Variants in KCNV2 observed in about 807,000 individuals in gnomAD.
KCNV2 encodes potassium voltage-gated channel modifier subfamily V member 2, also known as potassium voltage-gated channel subfamily V member 2.
Under a neutral mutation model 37.0 loss-of-function variants are expected in KCNV2, and 65 were observed. The observed-to-expected ratio is 1.76, with a 90% CI of 1.44 to 2.16. The LOEUF (loss-of-function observed/expected upper bound fraction) is 2.16. KCNV2 is among the 30% of genes most tolerant of loss of function. The pLI is 0.00. For missense variants in KCNV2, 1,232 were observed against 766.7 expected, an observed-to-expected ratio of 1.61 and a Z score of -7.17; for synonymous variants, 518 against 328.6, an observed-to-expected ratio of 1.58 and a Z score of -6.23.
Position 2,717,766 on chromosome 9 carries a change from G to A in KCNV2, c.27G>A (p.Arg9=). 1 of 1,614,206 alleles carries A rather than the reference G, an allele frequency of 6.2e-7. No homozygotes were observed. Among genetic ancestry groups the A allele is most frequent in the Non-Finnish European group, 8.5e-7 (1 of 1,180,030 alleles). The change falls in exon 1 of 2, where the codon CGG becomes CGA. Residue 9 remains arginine, a synonymous_variant. Coordinates refer to ENST00000382082, the MANE Select transcript of KCNV2 (RefSeq NM_133497.4). ...TGCTCAAACAGAGTGAGAGGAGACG[G>A]TCCTGGAGCTACAGGCCCTGGAACA... is the stretch of plus-strand genomic sequence containing the variant. The part of the protein sequence containing the change: MLKQSERR[R]SWSYRPWNTT...
At chr9:2,725,768 G>A (rs1400708301) in intron 1 of KCNV2, among the ~76,000 whole-genome samples, 1 of 152,114 alleles carries the variant, frequency 6.6e-6, no homozygotes. Context: ...ATGGACTACT[G>A]GGTGCCAAGA....
intron 1 of KCNV2, among the ~76,000 whole-genome samples, 169 bp downstream of exon 1, chr9:2,719,264 GA>G (rs1169585418): frequency 6.6e-6 from 1 of 152,144 alleles, no homozygotes; most frequent in Non-Finnish European, 1.5e-5. Flanking sequence ...AAAAGTGGTG[GA>G]AAGAGAACTC....
In KCNV2 at chr9:2,718,671, G is replaced by C. The variant is rs1015880443; in HGVS notation, c.932G>C (p.Gly311Ala). 3 of 1,613,170 alleles carry C rather than the reference G, an allele frequency of 1.9e-6. No individual in the cohort carries two copies. The highest frequency in any genetic ancestry group is 1.6e-4 in the Middle Eastern group (1 of 6,082). ...GAGCACGTGGAGATGCTGTGCATGGGCTTCTTCACGCTCGAGTACCTGCTG... is the reference window on the plus strand; with the variant it reads ...GAGCACGTGGAGATGCTGTGCATGGCCTTCTTCACGCTCGAGTACCTGCTG... ...ILEHVEMLCMGFFTLEYLLRL... is the reference protein window; with the variant it reads ...ILEHVEMLCMAFFTLEYLLRL... The change falls in exon 1 of 2, where the codon GGC (glycine) becomes GCC (alanine). Residue 311 changes from glycine to alanine, a missense_variant. Gly to Ala is a moderately conservative substitution (Grantham distance 60, BLOSUM62 0). Coordinates refer to ENST00000382082, the MANE Select transcript of KCNV2 (RefSeq NM_133497.4).
intron 1 of KCNV2, among the ~76,000 whole-genome samples, chr9:2,722,114 T>C (rs1468872575): frequency 7.2e-6 from 1 of 139,772 alleles, no homozygotes; most frequent in African/African-American, 2.8e-5. Context: ...AAGTTATTTA[T>C]AAATAAATTA....
chr9:2,721,606 A>G (rs1204008220), intron 1 of KCNV2, among the ~76,000 whole-genome samples: 1 of 152,222 alleles, frequency 6.6e-6, no homozygotes, highest in Non-Finnish European at 1.5e-5. Flanking sequence ...TAAGTTTTTG[A>G]GCACCTCCAA....
At chr9:2,727,130 G>C (rs372953773) in intron 1 of KCNV2, among the ~76,000 whole-genome samples, 1 of 152,148 alleles carries the variant, frequency 6.6e-6, no homozygotes, top group African/African-American at 2.4e-5. Context: ...ATCCAGAGGT[G>C]TGAGTCATGG....
chr9:2,721,053 A>G (rs1819858253), intron 1 of KCNV2, among the ~76,000 whole-genome samples: 1 of 152,190 alleles, frequency 6.6e-6, no homozygotes, highest in Non-Finnish European at 1.5e-5. Flanking sequence ...AAATTTTACA[A>G]AAATTGAATC....
rs2130861256 is a variant in KCNV2, at chr9:2,718,537, C to T, written c.798C>T (p.Ser266=). ...SVAAKAIGVA[S]STFVLVSVVA... ...CCGCCAAGGCCATCGGGGTGGCCTC[C>T]AGCACCTTCGTGCTCGTCTCCGTGG... Residue 266 remains serine (S), a synonymous_variant, in exon 1 of 2, where the codon TCC becomes TCT. Transcript: ENST00000382082. 5.6e-6 allele frequency: 9 copies of T among 1,611,650 alleles called. No individual in the cohort carries two copies. Among genetic ancestry groups the T allele is most frequent in the Admixed American group, 5.0e-5 (3 of 59,862 alleles).
chr9:2,726,186 G>A (rs1470565635), intron 1 of KCNV2, among the ~76,000 whole-genome samples: 2 of 152,134 alleles, frequency 1.3e-5, no homozygotes, highest in African/African-American at 4.8e-5. Flanking sequence ...CTTGGCCTAT[G>A]GAATGTGGAA....
rs371912406 is a variant in KCNV2, at chr9:2,718,426, G to A, written c.687G>A (p.Ala229=). The change falls in exon 1 of 2, where the codon GCG becomes GCA. Residue 229 remains alanine (A), a synonymous_variant. Transcript: ENST00000382082. ...ELRAQAQVEE[A]EELFRDMRFY... ...GCGCGCAGGCGCAGGTCGAGGAGGC[G>A]GAGGAACTCTTCCGCGACATGCGCT... 1.4e-5 allele frequency: 23 copies of A among 1,605,542 alleles called. No homozygotes were observed. The highest frequency in any genetic ancestry group is 6.8e-5 in the Admixed American group (4 of 58,872).
chr9:2,729,561 T>A lies in KCNV2; in HGVS notation c.1472T>A (p.Ile491Asn), dbSNP rs765182129. Residue 491 changes from isoleucine (I) to asparagine (N), a missense_variant, in exon 2 of 2, where the codon ATC becomes AAC. Coordinates refer to ENST00000382082, the MANE Select transcript of KCNV2 (RefSeq NM_133497.4). ...ATTCTCAACGGGATGCCCATTTCCA[T>A]CCTCTACAACAAGTTTTCTGATTAC... ...GIILNGMPISILYNKFSDYYS... is the reference protein window; with the variant it reads ...GIILNGMPISNLYNKFSDYYS... 3 of 1,614,088 alleles carry A rather than the reference T, an allele frequency of 1.9e-6. No individual in the cohort carries two copies. Among genetic ancestry groups the A allele is most frequent in the Non-Finnish European group, 2.5e-6 (3 of 1,179,990 alleles).
intron 1 of KCNV2, among the ~76,000 whole-genome samples, chr9:2,722,521 A>AAAGTTATTTATAAATAAATTAG (rs1218654599): frequency 2.1e-4 from 24 of 116,188 alleles, no homozygotes; most frequent in African/African-American, 4.3e-4. Context: ...TTTATAAATA[A>AAAGTTATTTATAAATAAATTAG]AAGTTATTTA....
At position 2,729,989 on chromosome 9, in the gene KCNV2, T is replaced by A. The variant is rs57109373; in HGVS notation, c.*262T>A. 0.088 allele frequency: 38,567 copies of A among 437,688 alleles called. 2,039 individuals are homozygous for A. The highest frequency in any genetic ancestry group is 0.11 in the Middle Eastern group (179 of 1,566). The allele number at this position is 437,688 out of a possible 1,614,324, so 27.1% of individuals were successfully genotyped here. Reference sequence around the variant, plus strand: ...TGAGGGGAGCAACAGCTTAGATTTTTCTTGTAGCTTCTCGTGGCATCTAGC... The same window carrying A: ...TGAGGGGAGCAACAGCTTAGATTTTACTTGTAGCTTCTCGTGGCATCTAGC... On this transcript the variant is annotated 3_prime_UTR_variant, in exon 2 of 2. Transcript: ENST00000382082.
intron 1 of KCNV2, among the ~76,000 whole-genome samples, chr9:2,719,591 C>A (rs1032704127): frequency 1.3e-5 from 2 of 152,170 alleles, no homozygotes; most frequent in African/African-American, 2.4e-5. Context: ...ATCCCACCAC[C>A]TCTGGTTCCA....
At position 2,718,940 on chromosome 9, in the gene KCNV2, G is replaced by A. The variant is rs746641535; in HGVS notation, c.1201G>A (p.Gly401Ser). The A allele has an allele frequency of 3.7e-6, 6 of 1,609,730 alleles. No homozygotes were observed. Among genetic ancestry groups the A allele is most frequent in the South Asian group, 1.1e-5 (1 of 91,080 alleles). ...ARHSTGLRAF[G>S]FTLRQCYQQV... is the part of the protein sequence containing the mutation. ...CCACTCCACCGGACTGCGTGCCTTC[G>A]GCTTCACGCTGCGCCAGTGCTACCA... is the stretch of plus-strand genomic sequence containing the variant. The change falls in exon 1 of 2, where the codon GGC (glycine) becomes AGC (serine). Residue 401 changes from glycine to serine, a missense_variant. By Grantham distance (56) the Gly-to-Ser change is moderately conservative. Coordinates refer to ENST00000382082, the MANE Select transcript of KCNV2 (RefSeq NM_133497.4).
At position 2,718,363 on chromosome 9, in the gene KCNV2, C is replaced by G. The variant is rs907617598; in HGVS notation, c.624C>G (p.Asp208Glu). The G allele has an allele frequency of 6.9e-6, 11 of 1,598,500 alleles. No homozygotes were observed. Among genetic ancestry groups the G allele is most frequent in the Admixed American group, 5.2e-5 (3 of 57,622 alleles). ...CCRICFEERRDELSERLKIQH... is the reference protein window; with the variant it reads ...CCRICFEERREELSERLKIQH... Reference sequence around the variant, plus strand: ...GCATCTGCTTCGAGGAGCGGCGCGACGAGCTGAGCGAACGGCTCAAGATCC... The same window carrying G: ...GCATCTGCTTCGAGGAGCGGCGCGAGGAGCTGAGCGAACGGCTCAAGATCC... Residue 208 changes from aspartate to glutamate, a missense_variant, in exon 1 of 2, where the codon GAC (aspartate) becomes GAG (glutamate). Asp to Glu is a conservative substitution (Grantham distance 45). Transcript: ENST00000382082.
At position 2,718,745 on chromosome 9, in the gene KCNV2, A is replaced by G. The variant is rs1563795894; in HGVS notation, c.1006A>G (p.Asn336Asp). The change falls in exon 1 of 2, where the codon AAC becomes GAC. Residue 336 changes from asparagine (N) to aspartate (D), a missense_variant. Asn to Asp is a conservative substitution (Grantham distance 23, BLOSUM62 1). Coordinates refer to ENST00000382082, the MANE Select transcript of KCNV2 (RefSeq NM_133497.4). ...GAGGCGCTTCGCGCGCAGCGCCCTC[A>G]ACCTGGTGGACCTGGTGGCCATCCT... ...DLRRFARSAL[N>D]LVDLVAILPL... The G allele has an allele frequency of 6.2e-7, 1 of 1,612,052 alleles. No individual in the cohort carries two copies. Among genetic ancestry groups the G allele is most frequent in the Admixed American group, 1.7e-5 (1 of 60,018 alleles).
chr9:2,724,844 A>T (rs1819944381), intron 1 of KCNV2, among the ~76,000 whole-genome samples: 1 of 152,236 alleles, frequency 6.6e-6, no homozygotes, highest in Non-Finnish European at 1.5e-5. Flanking sequence ...CAGTTCTGGA[A>T]TTATAAAATA....
intron 1 of KCNV2, among the ~76,000 whole-genome samples, chr9:2,721,378 T>C (rs1444316849): frequency 6.6e-6 from 1 of 152,228 alleles, no homozygotes; most frequent in Non-Finnish European, 1.5e-5. Flanking sequence ...AGGACTGCTA[T>C]GTTATTAATC....
Sources: gnomAD v4.1 joint callset for allele counts (sites outside exome capture counted in the v4.1 genomes callset) on GRCh38, gnomAD v4.1.1 for gene constraint, MANE v1.5 for transcripts, NCBI Gene and HGNC (gene_info 2026-07-23, HGNC 2026-07-21) for gene names.